Variants in DPYSL5 observed in about 807,000 individuals in gnomAD.
DPYSL5 encodes dihydropyrimidinase-related protein 5.
A neutral mutation model predicts 58.4 loss-of-function variants in DPYSL5; 9 were observed. The observed-to-expected ratio is 0.15, with a 90% CI of 0.09 to 0.27. DPYSL5 has a LOEUF of 0.27. DPYSL5 is among the 10% of genes least tolerant of loss of function. DPYSL5 has a pLI of 1.00. For synonymous variants in DPYSL5, 293 were observed against 301.9 expected, an observed-to-expected ratio of 0.97 and a Z score of 0.31; for missense variants, 499 against 770.6, an observed-to-expected ratio of 0.65 and a Z score of 4.17.
At chr2:26,931,871 G>A (rs976981508) in intron 6 of DPYSL5, among the ~76,000 whole-genome samples, 187 bp downstream of exon 6, 2 of 151,428 alleles carry the variant, frequency 1.3e-5, no homozygotes, top group African/African-American at 4.9e-5. Context: ...AGCTGGGCGT[G>A]GTGGCGTGCA....
At position 26,942,129 on chromosome 2, in the gene DPYSL5, T is replaced by C; in HGVS notation, c.1232+37T>C. On this transcript the variant is annotated intron_variant, in intron 10 of 12. Coordinates refer to ENST00000288699, the MANE Select transcript of DPYSL5 (RefSeq NM_020134.4). This position sits in a 1 kb window ranked among gnomAD's most constrained non-coding sequence, Gnocchi z 5.9. Reference sequence around the variant, plus strand: ...TGCTCGTCCCCAGGGCTAGAGGGGCTTGGGATTTTGAAGAAGACTTGCATT... The same window carrying C: ...TGCTCGTCCCCAGGGCTAGAGGGGCCTGGGATTTTGAAGAAGACTTGCATT... The C allele has an allele frequency of 6.2e-7, 1 of 1,608,526 alleles. No homozygotes were observed. The highest frequency in any genetic ancestry group is 8.5e-7 in the Non-Finnish European group (1 of 1,177,588).
intron 1 of DPYSL5, among the ~76,000 whole-genome samples, chr2:26,885,626 TGTGGACA>T (rs1256821274): frequency 1.3e-5 from 2 of 152,200 alleles, no homozygotes; most frequent in African/African-American, 4.8e-5. Context: ...TGTTTGTGGC[TGTGGACA>T]AGGACCCAGG....
At chr2:26,904,569 C>T (rs948222651) in intron 2 of DPYSL5, among the ~76,000 whole-genome samples, 2 of 152,160 alleles carry the variant, frequency 1.3e-5, no homozygotes, top group Middle Eastern at 3.2e-3. Flanking sequence ...CCTTAGAAAT[C>T]ATCTAGTCCC....
rs189841759 is a variant in DPYSL5, at chr2:26,859,050, C to A, written c.-5+10796C>A. On this transcript the variant is annotated intron_variant, in intron 1 of 12. Coordinates refer to ENST00000288699, the MANE Select transcript of DPYSL5 (RefSeq NM_020134.4). ...TGTTACCATGGCATGGAAATTATTT[C>A]ATATTCTGTTCTTTCATCAAAACTT... 1.2e-3 allele frequency among the ~76,000 whole-genome samples: 177 copies of A among 152,246 alleles called. 2 individuals carry two copies. Among genetic ancestry groups the A allele is most frequent in the African/African-American group, 3.9e-3 (164 of 41,546 alleles).
Position 26,927,208 on chromosome 2 carries a change from G to C in DPYSL5, c.421-45G>C. The C allele has an allele frequency of 6.4e-7, 1 of 1,573,964 alleles. No homozygotes were observed. The highest frequency in any genetic ancestry group is 2.3e-5 in the East Asian group (1 of 43,676). On this transcript the variant is annotated intron_variant, in intron 3 of 12. Transcript: ENST00000288699. This position sits in a 1 kb window ranked among gnomAD's most constrained non-coding sequence, Gnocchi z 4.3. ...GCCGGTGCCTGCCAGTCGGCCTCTT[G>C]GGTGTCTGCCCTCACGCAGCATTGC...
Position 26,861,502 on chromosome 2 carries a change from G to A in DPYSL5, c.-5+13248G>A, listed in dbSNP as rs182333224. 3.3e-4 allele frequency among the ~76,000 whole-genome samples: 50 copies of A among 152,270 alleles called. 2 individuals carry two copies. Among genetic ancestry groups the A allele is most frequent in the South Asian group, 1.7e-3 (8 of 4,824 alleles). Reference sequence around the variant, plus strand: ...TGGGTCTAAAAGAACTTTAGAGAACGTTTAGTCATTTCACAGAGGAGGAAC... The same window carrying A: ...TGGGTCTAAAAGAACTTTAGAGAACATTTAGTCATTTCACAGAGGAGGAAC... On this transcript the variant is annotated intron_variant, in intron 1 of 12. Coordinates refer to ENST00000288699, the MANE Select transcript of DPYSL5 (RefSeq NM_020134.4).
chr2:26,924,057 C>T lies in DPYSL5; in HGVS notation c.262-830C>T, dbSNP rs1664766186. 6.6e-6 allele frequency among the ~76,000 whole-genome samples: 1 copy of T among 152,142 alleles called. No homozygotes were observed. Among genetic ancestry groups the T allele is most frequent in the Admixed American group, 6.5e-5 (1 of 15,272 alleles). Reference sequence around the variant, plus strand: ...CTAGTTTTGGAACTTCACAGAAGTCCCCTGATGAAATTCACTTTTAAAAAG... The same window carrying T: ...CTAGTTTTGGAACTTCACAGAAGTCTCCTGATGAAATTCACTTTTAAAAAG... On this transcript the variant is annotated intron_variant, in intron 2 of 12. Transcript: ENST00000288699. This position sits in a 1 kb window ranked among gnomAD's most constrained non-coding sequence, Gnocchi z 4.7.
chr2:26,929,438 G>C (rs1664917340), intron 5 of DPYSL5, among the ~76,000 whole-genome samples: 1 of 152,122 alleles, frequency 6.6e-6, no homozygotes, highest in South Asian at 2.1e-4. Flanking sequence ...CACCATGCTG[G>C]TCAGGCTGGT....
intron 1 of DPYSL5, among the ~76,000 whole-genome samples, chr2:26,866,211 C>T (rs1666134925): frequency 6.6e-6 from 1 of 152,176 alleles, no homozygotes; most frequent in African/African-American, 2.4e-5. Context: ...CCCCACTGGC[C>T]TCATTCACTG....
intron 2 of DPYSL5, among the ~76,000 whole-genome samples, chr2:26,906,527 G>A (rs1213614059): frequency 1.3e-5 from 2 of 152,050 alleles, no homozygotes; most frequent in African/African-American, 4.8e-5. Context: ...GACCCACTGA[G>A]GATAATCTCC....
At chr2:26,856,430 A>G (rs1425878027) in intron 1 of DPYSL5, among the ~76,000 whole-genome samples, 1 of 152,176 alleles carries the variant, frequency 6.6e-6, no homozygotes, top group Non-Finnish European at 1.5e-5. Flanking sequence ...TCTTGTGCTC[A>G]AGGTTATATT....
At chr2:26,891,607 G>C (rs1421026962) in intron 1 of DPYSL5, among the ~76,000 whole-genome samples, 1 of 152,170 alleles carries the variant, frequency 6.6e-6, no homozygotes, top group Non-Finnish European at 1.5e-5. Flanking sequence ...GAGGAACTGA[G>C]CCAGCTGGGT....
chr2:26,932,036 A>AAAG (rs1239972225), intron 6 of DPYSL5, among the ~76,000 whole-genome samples: 15 of 102,350 alleles, frequency 1.5e-4, no homozygotes, highest in African/African-American at 6.3e-4. Context: ...GAAAGAAAAG[A>AAAG]AAAGAAAGAA....
At position 26,927,094 on chromosome 2, in the gene DPYSL5, TG is replaced by T. The variant is rs1664845501; in HGVS notation, c.421-158del. ...CTACTCAGGTGGCCTCACAGCAGCCTGTGGGGTGGGAGGAAAGTGAGATAGA... is the reference window on the plus strand; with the variant it reads ...CTACTCAGGTGGCCTCACAGCAGCCTTGGGGTGGGAGGAAAGTGAGATAGA... On this transcript the variant is annotated intron_variant, in intron 3 of 12. Transcript: ENST00000288699. This position sits in a 1 kb window ranked among gnomAD's most constrained non-coding sequence, Gnocchi z 4.3. Among the ~76,000 whole-genome samples the T allele has an allele frequency of 6.6e-6, 1 of 152,188 alleles. No homozygotes were observed. Among genetic ancestry groups the T allele is most frequent in the Non-Finnish European group, 1.5e-5 (1 of 68,028 alleles).
chr2:26,942,019 C>T lies in DPYSL5; in HGVS notation c.1159C>T (p.Leu387=), dbSNP rs138627302. ...TTCCAACGCAGCTAAGCTTCTGAACCTGTATCCCCGCAAGGGCCGCATTAT... is the reference window on the plus strand; with the variant it reads ...TTCCAACGCAGCTAAGCTTCTGAACTTGTATCCCCGCAAGGGCCGCATTAT... ...TSSNAAKLLN[L]YPRKGRIIPG... is the part of the protein sequence containing the mutation. Residue 387 remains leucine, a synonymous_variant, in exon 10 of 13, where the codon CTG becomes TTG. Transcript: ENST00000288699. This position sits in a 1 kb window ranked among gnomAD's most constrained non-coding sequence, Gnocchi z 5.9. The T allele has an allele frequency of 3.7e-6, 6 of 1,614,210 alleles. No individual in the cohort carries two copies. The highest frequency in any genetic ancestry group is 1.7e-6 in the Non-Finnish European group (2 of 1,180,046).
At chr2:26,883,256 T>C (rs1663620224) in intron 1 of DPYSL5, among the ~76,000 whole-genome samples, 1 of 152,156 alleles carries the variant, frequency 6.6e-6, no homozygotes, top group African/African-American at 2.4e-5. Flanking sequence ...AACCCCTATC[T>C]TGAGTTTTCT....
In DPYSL5 at chr2:26,942,218, G is replaced by A. The variant is rs879178670; in HGVS notation, c.1232+126G>A. On this transcript the variant is annotated intron_variant, in intron 10 of 12. Coordinates refer to ENST00000288699, the MANE Select transcript of DPYSL5 (RefSeq NM_020134.4). This position sits in a 1 kb window ranked among gnomAD's most constrained non-coding sequence, Gnocchi z 5.9. Reference sequence around the variant, plus strand: ...GCACAAAATATGGCCCTGGCCTACCGTTGGCCATCTTCTCCCTCCATCTTC... The same window carrying A: ...GCACAAAATATGGCCCTGGCCTACCATTGGCCATCTTCTCCCTCCATCTTC... The A allele has an allele frequency of 5.7e-5, 79 of 1,388,010 alleles. 1 individual carries two copies. The highest frequency in any genetic ancestry group is 5.2e-4 in the South Asian group (37 of 71,134). 86.0% of individuals were successfully genotyped at this position (1,388,010 alleles called of 1,614,324 possible).
intron 2 of DPYSL5, among the ~76,000 whole-genome samples, chr2:26,907,464 C>T (rs3845685): frequency 0.37 from 56,495 of 151,952 alleles, 10,974 homozygotes; most frequent in Admixed American, 0.53. Flanking sequence ...CTTCATCTCA[C>T]GGCTCTCTCT....
At chr2:26,851,741 G>A (rs951450057) in intron 1 of DPYSL5, among the ~76,000 whole-genome samples, 28 of 152,186 alleles carry the variant, frequency 1.8e-4, no homozygotes, top group African/African-American at 6.0e-4. Context: ...TCAGGAGTTC[G>A]AGACCAGCCT....
Sources: allele counts gnomAD v4.1 joint callset (sites outside exome capture counted in the v4.1 genomes callset), GRCh38; gene constraint gnomAD v4.1.1; non-coding constraint Gnocchi (gnomAD v3.1); transcripts MANE v1.5; gene names NCBI Gene and HGNC (gene_info 2026-07-23, HGNC 2026-07-21).